PPARGC1B: variants seen among roughly 807,000 people sequenced by gnomAD.
PPARGC1B encodes peroxisome proliferator-activated receptor gamma coactivator 1-beta.
PPARGC1B carries 34 observed loss-of-function variants against 101.6 expected under a neutral mutation model. That is an observed-to-expected ratio of 0.33 (90% CI 0.25 to 0.45). PPARGC1B has a LOEUF of 0.45. PPARGC1B is among the 20% of genes least tolerant of loss of function. PPARGC1B has a pLI of 1.00. For synonymous variants in PPARGC1B, 548 were observed against 539.3 expected, an observed-to-expected ratio of 1.02 and a Z score of -0.22; for missense variants, 1,234 against 1,317.6, an observed-to-expected ratio of 0.94 and a Z score of 0.98.
intron 6 of PPARGC1B, 42 bp downstream of exon 6, chr5:149,834,752 T>C (rs950151933): frequency 1.3e-6 from 2 of 1,579,196 alleles, no homozygotes; most frequent in African/African-American, 2.7e-5. Flanking sequence ...CCATGAGATT[T>C]TGTCTTGTTG....
chr5:149,743,589 T>C (rs1161862500), intron 1 of PPARGC1B, among the ~76,000 whole-genome samples: 1 of 152,194 alleles, frequency 6.6e-6, no homozygotes, highest in Admixed American at 6.5e-5. Context: ...GTTGGATGAC[T>C]GAATGATGAA....
At chr5:149,844,510 A>G (rs1702798541) in intron 10 of PPARGC1B, among the ~76,000 whole-genome samples, 1 of 152,356 alleles carries the variant, frequency 6.6e-6, no homozygotes, top group South Asian at 2.1e-4. Flanking sequence ...GTGGTGGCAC[A>G]TGCCTGTAAT....
chr5:149,805,484 G>C (rs1355571904), intron 1 of PPARGC1B, among the ~76,000 whole-genome samples: 1 of 152,202 alleles, frequency 6.6e-6, no homozygotes, highest in Non-Finnish European at 1.5e-5. Flanking sequence ...GTGTCCCCCA[G>C]GCTGGAGTGC....
intron 1 of PPARGC1B, among the ~76,000 whole-genome samples, chr5:149,814,917 A>G (rs1757996670): frequency 6.6e-6 from 1 of 152,220 alleles, no homozygotes; most frequent in Non-Finnish European, 1.5e-5. Context: ...GAGAGGCCCT[A>G]CACACGGGCC....
At chr5:149,754,580 T>C (rs906081539) in intron 1 of PPARGC1B, among the ~76,000 whole-genome samples, 5 of 152,154 alleles carry the variant, frequency 3.3e-5, no homozygotes, top group Non-Finnish European at 7.3e-5. Flanking sequence ...AAATGAGTGG[T>C]AAGATTTTAC....
chr5:149,829,218 CA>C (rs1293884096), intron 3 of PPARGC1B, among the ~76,000 whole-genome samples: 2 of 151,910 alleles, frequency 1.3e-5, no homozygotes, highest in African/African-American at 2.4e-5. Context: ...TTCTTAGAGT[CA>C]AAAAAAGAGG....
At chr5:149,811,608 A>G (rs935360457) in intron 1 of PPARGC1B, among the ~76,000 whole-genome samples, 5 of 152,182 alleles carry the variant, frequency 3.3e-5, no homozygotes, top group African/African-American at 1.2e-4. Flanking sequence ...GGGTGTTATT[A>G]CAGGAGAGGG....
rs541900505 is a variant in PPARGC1B at position 149,820,668 on chromosome 5, G to A, written c.252+62G>A. 2.8e-3 allele frequency: 4,224 copies of A among 1,508,314 alleles called. 16 individuals are homozygous for A. The highest frequency in any genetic ancestry group is 3.3e-3 in the Non-Finnish European group (3,704 of 1,105,982). 93.4% of individuals were successfully genotyped at this position (1,508,314 alleles called of 1,614,324 possible). On this transcript the variant is annotated intron_variant, in intron 2 of 11. Transcript: ENST00000309241. ...CAGGCCTCTCTCTCCTCAAAATCCC[G>A]GCTCTGCCCTGCTCTGCCTTCTCCT...
chr5:149,836,615 G>A lies in PPARGC1B; in HGVS notation c.2160G>A (p.Glu720=), dbSNP rs780675449. The part of the protein sequence containing the change: ...RSWEPSGVHL[E]DWPQQGAPWA... ...GGGAGCCGTCTGGGGTTCACCTTGAGGACTGGCCCCAGCAGGGTGCCCCTT... is the reference window on the plus strand; with the variant it reads ...GGGAGCCGTCTGGGGTTCACCTTGAAGACTGGCCCCAGCAGGGTGCCCCTT... The change falls in exon 8 of 12, where the codon GAG becomes GAA. Residue 720 remains glutamate, a synonymous_variant. Transcript: ENST00000309241. The A allele has an allele frequency of 1.9e-6, 3 of 1,613,738 alleles. No individual in the cohort carries two copies. The South Asian group carries it at 3.3e-5, about 18-fold the overall frequency.
rs1283519513 is a variant in PPARGC1B, at chr5:149,841,134, T to TGAA, written c.2694+1019_2694+1021dup. Among the ~76,000 whole-genome samples the TGAA allele has an allele frequency of 2.6e-5, 4 of 152,264 alleles. No homozygotes were observed. The East Asian group carries it at 7.7e-4, about 29-fold the overall frequency. ...TAATTACAGATTGGGATAAGCACTGTGAAATTAGTAATGTGCAATTAGTAA... is the reference window on the plus strand; with the variant it reads ...TAATTACAGATTGGGATAAGCACTGTGAAGAAATTAGTAATGTGCAATTAGTAA... On this transcript the variant is annotated intron_variant, in intron 9 of 11. Coordinates refer to ENST00000309241, the MANE Select transcript of PPARGC1B (RefSeq NM_133263.4).
intron 2 of PPARGC1B, among the ~76,000 whole-genome samples, chr5:149,821,500 A>G (rs1230043391): frequency 6.6e-6 from 1 of 152,166 alleles, no homozygotes; most frequent in Non-Finnish European, 1.5e-5. Flanking sequence ...TGGGTGATGG[A>G]CACATTCAGA....
chr5:149,803,676 A>G (rs1362576953), intron 1 of PPARGC1B, among the ~76,000 whole-genome samples: 1 of 152,148 alleles, frequency 6.6e-6, no homozygotes, highest in African/African-American at 2.4e-5. Flanking sequence ...ATTAGCACAC[A>G]GTAAGGAGGC....
rs1440603980 is a variant in PPARGC1B, at chr5:149,837,249, G to A, written c.2618+176G>A. Among the ~76,000 whole-genome samples the A allele has an allele frequency of 5.9e-5, 9 of 152,184 alleles. No homozygotes were observed. The highest frequency in any genetic ancestry group is 2.9e-5 in the Non-Finnish European group (2 of 68,034). ...TTGAAGGTGGTCTTCTGGGGCAGTT[G>A]TGGGTGAGTTCTGGAGGCAGGCACA... On this transcript the variant is annotated intron_variant, in intron 8 of 11. Transcript: ENST00000309241. The surrounding 1 kb of genome is among the most constrained non-coding windows in gnomAD (Gnocchi z 4.2).
In PPARGC1B at chr5:149,820,609, A is replaced by G. The variant is rs1486320318; in HGVS notation, c.252+3A>G. The stretch of plus-strand genomic sequence containing the variant: ...CCGATGACTCCGAGCTCTTCCAGGT[A>G]TGCCCTTTCCAGTCTCCCCTCCTCC... On this transcript the variant is annotated splice_donor_region_variant and intron_variant, in intron 2 of 11. Transcript: ENST00000309241. 4 of 1,606,036 alleles carry G rather than the reference A, an allele frequency of 2.5e-6. No homozygotes were observed. Among genetic ancestry groups the G allele is most frequent in the Non-Finnish European group, 3.4e-6 (4 of 1,177,478 alleles).
Position 149,837,106 on chromosome 5 carries a change from G to A in PPARGC1B, c.2618+33G>A, listed in dbSNP as rs1415617146. 4 of 1,558,942 alleles carry A rather than the reference G, an allele frequency of 2.6e-6. No homozygotes were observed. In the Admixed American group the frequency reaches 5.6e-5, roughly 22 times the overall value. ...CAGGGGGCTGCAGGAGAGGCAGCGG[G>A]CAGTGGAGGATCCCAGTTCCCGGGG... On this transcript the variant is annotated intron_variant, in intron 8 of 11. Coordinates refer to ENST00000309241, the MANE Select transcript of PPARGC1B (RefSeq NM_133263.4). This position sits in a 1 kb window ranked among gnomAD's most constrained non-coding sequence, Gnocchi z 4.2.
intron 1 of PPARGC1B, among the ~76,000 whole-genome samples, chr5:149,809,115 T>TTAGATAGA (rs10635808): frequency 0.13 from 10,801 of 83,430 alleles, 990 homozygotes; most frequent in Middle Eastern, 0.18. Context: ...TATCTCCACC[T>TTAGATAGA]TAGATAGATA....
At position 149,839,879 on chromosome 5, in the gene PPARGC1B, G is replaced by A. The variant is rs533954948; in HGVS notation, c.2619-162G>A. On this transcript the variant is annotated intron_variant, in intron 8 of 11. Coordinates refer to ENST00000309241, the MANE Select transcript of PPARGC1B (RefSeq NM_133263.4). ...GGCCCACACACAGCCCTGGGCCGTC[G>A]TTGCAGAAGGGGAAGCTAGGTTTCT... Among the ~76,000 whole-genome samples, 28 of 152,280 alleles carry A rather than the reference G, an allele frequency of 1.8e-4. No homozygotes were observed. The South Asian group carries it at 2.1e-3, about 11-fold the overall frequency.
intron 1 of PPARGC1B, among the ~76,000 whole-genome samples, chr5:149,805,069 G>A (rs1159652180): frequency 2.0e-5 from 3 of 152,202 alleles, no homozygotes; most frequent in East Asian, 3.9e-4. Flanking sequence ...CTTGATGGGA[G>A]CTTCCTCCTT....
rs940150781 is a variant in PPARGC1B, at chr5:149,833,947, G to A, written c.1705+169G>A. Among the ~76,000 whole-genome samples the A allele has an allele frequency of 1.3e-5, 2 of 152,254 alleles. No homozygotes were observed. Among genetic ancestry groups the A allele is most frequent in the African/African-American group, 4.8e-5 (2 of 41,468 alleles). On this transcript the variant is annotated intron_variant, in intron 5 of 11. Transcript: ENST00000309241. This position sits in a 1 kb window ranked among gnomAD's most constrained non-coding sequence, Gnocchi z 4.1. ...TGGCTTTCAGCTTTTCTTTGGGCTAGTTGGAGCAGATCTTCAGAAGAACAC... is the reference window on the plus strand; with the variant it reads ...TGGCTTTCAGCTTTTCTTTGGGCTAATTGGAGCAGATCTTCAGAAGAACAC...
Sources: gnomAD v4.1 joint callset for allele counts (sites outside exome capture counted in the v4.1 genomes callset) on GRCh38, gnomAD v4.1.1 for gene constraint, Gnocchi (gnomAD v3.1) non-coding constraint, MANE v1.5 for transcripts, NCBI Gene and HGNC (gene_info 2026-07-23, HGNC 2026-07-21) for gene names.